Variants in LIFR observed in about 807,000 individuals in gnomAD.
LIFR encodes LIF receptor subunit alpha, also known as leukemia inhibitory factor receptor.
LIFR carries 84 observed loss-of-function variants against 122.2 expected under a neutral mutation model. That is an observed-to-expected ratio of 0.69 (90% CI 0.58 to 0.82). The LOEUF is 0.82. LIFR is among the 40% of genes least tolerant of loss of function. The probability of loss-of-function intolerance (pLI) is 0.00; values close to 1 mark genes in which losing one functional copy is unlikely to be tolerated. For missense variants in LIFR, 1,294 were observed against 1,311.6 expected, an observed-to-expected ratio of 0.99 and a Z score of 0.21; for synonymous variants, 422 against 434.7, an observed-to-expected ratio of 0.97 and a Z score of 0.36.
intron 1 of LIFR, among the ~76,000 whole-genome samples, chr5:38,591,808 C>T (rs931082668): frequency 1.1e-4 from 16 of 152,186 alleles, no homozygotes; most frequent in African/African-American, 3.6e-4. Flanking sequence ...GTCTGTGTGA[C>T]GAAAGTTTGT....
intron 1 of LIFR, among the ~76,000 whole-genome samples, chr5:38,553,081 C>G (rs1001988230): frequency 6.6e-6 from 1 of 152,184 alleles, no homozygotes; most frequent in Admixed American, 6.5e-5. Context: ...CTTCTGCCTG[C>G]AGCTCTCTCC....
At chr5:38,583,463 A>G (rs549368650) in intron 1 of LIFR, among the ~76,000 whole-genome samples, 7 of 152,318 alleles carry the variant, frequency 4.6e-5, no homozygotes, top group Admixed American at 3.3e-4. Context: ...AGACTACAAC[A>G]AACTATAAAG....
At chr5:38,590,741 G>A (rs983911049) in intron 1 of LIFR, among the ~76,000 whole-genome samples, 11 of 152,124 alleles carry the variant, frequency 7.2e-5, no homozygotes, top group Non-Finnish European at 2.9e-5. Context: ...CAGTCAAGTA[G>A]ATACCATTAT....
chr5:38,505,883 C>T (rs1745446951), intron 9 of LIFR, 22 bp downstream of exon 9: 4 of 1,516,488 alleles, frequency 2.6e-6, no homozygotes, highest in East Asian at 4.6e-5. Context: ...ATTTTTAAGA[C>T]ATTAGTTTAT....
chr5:38,485,661 C>A, intron 17 of LIFR, 158 bp downstream of exon 17: 2 of 706,882 alleles, frequency 2.8e-6, no homozygotes, highest in Non-Finnish European at 5.0e-6. Context: ...ATGAAGTAAT[C>A]TTACAGCTTT....
chr5:38,542,357 T>C (rs1448904221), intron 1 of LIFR, among the ~76,000 whole-genome samples: 2 of 152,170 alleles, frequency 1.3e-5, no homozygotes, highest in Admixed American at 6.5e-5. Context: ...AAGGACATGA[T>C]AGAAGACGGT....
At chr5:38,550,666 T>C (rs2112650420) in intron 1 of LIFR, among the ~76,000 whole-genome samples, 1 of 152,354 alleles carries the variant, frequency 6.6e-6, no homozygotes, top group East Asian at 1.9e-4. Context: ...TGTGAACGTC[T>C]ACTATAGACT....
chr5:38,560,700 A>G (rs1228441871), upstream of LIFR, among the ~76,000 whole-genome samples: 1 of 151,690 alleles, frequency 6.6e-6, no homozygotes, highest in East Asian at 1.9e-4. Context: ...AGGTGCAAGC[A>G]ATTATCTGCC....
Position 38,511,871 on chromosome 5 carries a change from C to G in LIFR, c.655G>C (p.Glu219Gln). The G allele has an allele frequency of 6.2e-7, 1 of 1,614,070 alleles. No homozygotes were observed. Among genetic ancestry groups the G allele is most frequent in the Middle Eastern group, 1.6e-4 (1 of 6,062 alleles). Residue 219 changes from glutamate (E) to glutamine (Q), a missense_variant, in exon 6 of 20, where the codon GAA becomes CAA. By Grantham distance (29) the Glu-to-Gln change is conservative. Transcript: ENST00000453190. ...AGATTGTCAATGTAGCATCTAATTT[C>G]CACAAAATGAATGGCACATTCCAAG... is the stretch of plus-strand genomic sequence containing the variant. ...MPLECAIHFV[E>Q]IRCYIDNLHF... is the part of the protein sequence containing the mutation.
At chr5:38,502,495 G>A (rs1745232742) in intron 11 of LIFR, 142 bp downstream of exon 11, 2 of 662,476 alleles carry the variant, frequency 3.0e-6, no homozygotes, top group Non-Finnish European at 5.5e-6. Flanking sequence ...CCAACCTCAG[G>A]TAATCTGCCC....
chr5:38,550,099 C>T (rs549808709), intron 1 of LIFR: 11 of 165,026 alleles, frequency 6.7e-5, no homozygotes, highest in East Asian at 1.9e-4. Flanking sequence ...GACTAAGGGA[C>T]GGGGCACATT....
At chr5:38,496,294 A>C in intron 13 of LIFR, 88 bp downstream of exon 13, 1 of 1,048,952 alleles carries the variant, frequency 9.5e-7, no homozygotes, top group Admixed American at 1.7e-5. Context: ...TACGAGAAGA[A>C]GGCTGACATG....
rs1230947981 is a variant in LIFR at position 38,516,259 on chromosome 5, A to G, written c.562-4295T>C. On this transcript the variant is annotated intron_variant, in intron 5 of 19. Transcript: ENST00000453190. ...TCCCTCTTTAATTCTAGTATTCTCTAGTTAGTTCCTCCTCAAGTTACATTA... is the reference window on the plus strand; with the variant it reads ...TCCCTCTTTAATTCTAGTATTCTCTGGTTAGTTCCTCCTCAAGTTACATTA... Among the ~76,000 whole-genome samples, 3 of 152,300 alleles carry G rather than the reference A, an allele frequency of 2.0e-5. No homozygotes were observed. The East Asian group carries it at 5.8e-4, about 29-fold the overall frequency.
chr5:38,528,500 C>A (rs1475215196), intron 3 of LIFR, among the ~76,000 whole-genome samples: 1 of 152,154 alleles, frequency 6.6e-6, no homozygotes, highest in Admixed American at 6.5e-5. Flanking sequence ...CAGATCTGCA[C>A]TGAAAGCCAC....
intron 1 of LIFR, among the ~76,000 whole-genome samples, chr5:38,587,897 T>C (rs1199832877): frequency 6.6e-6 from 1 of 152,228 alleles, no homozygotes; most frequent in Non-Finnish European, 1.5e-5. Context: ...ACCATGTGCC[T>C]GGGCCTACAT....
chr5:38,587,303 A>G (rs2112754523), intron 1 of LIFR, among the ~76,000 whole-genome samples: 1 of 152,246 alleles, frequency 6.6e-6, no homozygotes, highest in South Asian at 2.1e-4. Flanking sequence ...CAGGGATGGG[A>G]AGAAAAACCT....
At chr5:38,493,090 C>T (rs1580019727) in intron 14 of LIFR, among the ~76,000 whole-genome samples, 2 of 152,272 alleles carry the variant, frequency 1.3e-5, no homozygotes, top group East Asian at 3.9e-4. Flanking sequence ...CCTTGCCCTG[C>T]ATCAGGGTTA....
chr5:38,543,714 AT>A (rs2112619590), intron 1 of LIFR, among the ~76,000 whole-genome samples: 1 of 152,320 alleles, frequency 6.6e-6, no homozygotes, highest in South Asian at 2.1e-4. Flanking sequence ...ACATCTCTGC[AT>A]GCATTCCAGC....
upstream of LIFR, among the ~76,000 whole-genome samples, chr5:38,599,537 C>A (rs1188004595): frequency 1.3e-5 from 2 of 152,102 alleles, no homozygotes; most frequent in Non-Finnish European, 2.9e-5. Flanking sequence ...GTCTTTGAAG[C>A]TGTGAGAGTG....
Sources: gnomAD v4.1 joint callset for allele counts (sites outside exome capture counted in the v4.1 genomes callset) on GRCh38, gnomAD v4.1.1 for gene constraint, MANE v1.5 for transcripts, NCBI Gene and HGNC (gene_info 2026-07-23, HGNC 2026-07-21) for gene names.